Variants in SLC44A5 observed in about 807,000 individuals in gnomAD.
SLC44A5 encodes the protein solute carrier family 44 member 5.
A neutral mutation model predicts 101.8 loss-of-function variants in SLC44A5; 57 were observed. The ratio of observed to expected loss-of-function variants is 0.56; its 90% CI spans 0.45 to 0.70. The LOEUF is 0.70. SLC44A5 is among the 30% of genes least tolerant of loss of function. The probability of loss-of-function intolerance (pLI) is 0.00; values close to 1 mark genes in which losing one functional copy is unlikely to be tolerated. For missense variants in SLC44A5, 737 were observed against 853.1 expected (o/e 0.86, Z 1.70); for synonymous variants, 281 against 290.9 (o/e 0.97, Z 0.35).
chr1:75,270,679 C>A (rs951858843), intron 6 of SLC44A5, among the ~76,000 whole-genome samples: 4 of 152,078 alleles, frequency 2.6e-5, no homozygotes. Flanking sequence ...AACATATATA[C>A]ATGATTTTCA....
intron 3 of SLC44A5, among the ~76,000 whole-genome samples, chr1:75,376,269 C>G (rs1179319595): frequency 6.6e-6 from 1 of 152,206 alleles, no homozygotes; most frequent in African/African-American, 2.4e-5. Context: ...GAGGGGCGCC[C>G]GCCATTGCCC....
intron 17 of SLC44A5, 93 bp from the exon 18 acceptor site, chr1:75,218,053 C>T: frequency 3.6e-6 from 3 of 825,542 alleles, no homozygotes; most frequent in East Asian, 2.6e-5. Context: ...AAGGTATCTG[C>T]AGAAGGATTA....
chr1:75,406,803 C>G (rs185953082), intron 2 of SLC44A5, among the ~76,000 whole-genome samples: 1 of 152,238 alleles, frequency 6.6e-6, no homozygotes. Context: ...CAGCACAAGA[C>G]AAGGATGCCC....
intron 2 of SLC44A5, among the ~76,000 whole-genome samples, chr1:75,540,099 C>A (rs550084602): frequency 6.6e-6 from 1 of 152,236 alleles, no homozygotes; most frequent in Admixed American, 6.5e-5. Context: ...CCTGGTAATT[C>A]TATATTAAAT....
At chr1:75,505,697 G>T (rs1485471665) in intron 2 of SLC44A5, among the ~76,000 whole-genome samples, 2 of 152,034 alleles carry the variant, frequency 1.3e-5, no homozygotes. Flanking sequence ...TTTTAATGGG[G>T]TTATCTGGGT....
At chr1:75,431,972 T>A (rs1664641488) in intron 2 of SLC44A5, among the ~76,000 whole-genome samples, 1 of 152,198 alleles carries the variant, frequency 6.6e-6, no homozygotes, top group Non-Finnish European at 1.5e-5. Flanking sequence ...CAGTTCATTT[T>A]ATTCTTGCCT....
chr1:75,488,802 T>C (rs1208001374), intron 2 of SLC44A5, among the ~76,000 whole-genome samples: 1 of 152,264 alleles, frequency 6.6e-6, no homozygotes, highest in Admixed American at 6.5e-5. Flanking sequence ...AATAACCTGA[T>C]GACATATATA....
At chr1:75,683,230 A>G in the SLC44A5 span, among the ~76,000 whole-genome samples, 1 of 151,866 alleles carries the variant, frequency 6.6e-6, no homozygotes, top group Non-Finnish European at 1.5e-5. Flanking sequence ...TAGAAATACC[A>G]TTTGACCCAG....
chr1:75,549,040 C>T lies in SLC44A5; in HGVS notation c.-69-7524G>A, dbSNP rs189911880. On this transcript the variant is annotated intron_variant, in intron 1 of 23. Coordinates refer to ENST00000370859, the MANE Select transcript of SLC44A5 (RefSeq NM_001130058.2). The stretch of plus-strand genomic sequence containing the variant: ...CAGCCAGGTTTCTGGAAACAATCCT[C>T]GTTGAAGACAGATGAGATTTAAGGA... Among the ~76,000 whole-genome samples, 18 of 152,220 alleles carry T rather than the reference C, an allele frequency of 1.2e-4. No individual in the cohort carries two copies. In the East Asian group the frequency reaches 2.5e-3, roughly 21 times the overall value.
At chr1:75,472,903 T>C (rs549403113) in intron 2 of SLC44A5, among the ~76,000 whole-genome samples, 1 of 152,308 alleles carries the variant, frequency 6.6e-6, no homozygotes, top group East Asian at 1.9e-4. Context: ...AAGCCTTCAC[T>C]CTTACACATA....
intron 2 of SLC44A5, among the ~76,000 whole-genome samples, chr1:75,438,962 A>G (rs1665039347): frequency 6.6e-6 from 1 of 152,120 alleles, no homozygotes; most frequent in Non-Finnish European, 1.5e-5. Context: ...AATACATGAA[A>G]GCACAAAATA....
intron 5 of SLC44A5, among the ~76,000 whole-genome samples, chr1:75,282,682 A>G (rs953977730): frequency 2.0e-4 from 31 of 152,282 alleles, no homozygotes; most frequent in African/African-American, 7.2e-4. Context: ...GATAGTGAAC[A>G]GCAAGTGAAC....
chr1:75,608,702 C>T (rs1457069714), intron 1 of SLC44A5, among the ~76,000 whole-genome samples: 4 of 151,814 alleles, frequency 2.6e-5, no homozygotes, highest in Admixed American at 2.6e-4. Flanking sequence ...GTCAAACATA[C>T]CAGGTATATT....
chr1:75,534,249 C>T (rs989782533), intron 2 of SLC44A5, among the ~76,000 whole-genome samples: 26 of 151,830 alleles, frequency 1.7e-4, no homozygotes, highest in Non-Finnish European at 3.7e-4. Context: ...TTAAAGTCGT[C>T]GGAATCAAAA....
intron 4 of SLC44A5, among the ~76,000 whole-genome samples, chr1:75,303,012 C>T (rs752122847): frequency 2.0e-5 from 3 of 152,040 alleles, no homozygotes; most frequent in East Asian, 1.9e-4. Flanking sequence ...CAGATGACCT[C>T]GGATAACTGA....
chr1:75,313,783 G>T (rs1482956860), intron 4 of SLC44A5, among the ~76,000 whole-genome samples: 1 of 152,152 alleles, frequency 6.6e-6, no homozygotes, highest in Non-Finnish European at 1.5e-5. Context: ...AAGCAGTAGG[G>T]CTCCTGATGA....
intron 2 of SLC44A5, among the ~76,000 whole-genome samples, chr1:75,441,326 C>T (rs1570285103): frequency 6.6e-6 from 1 of 152,074 alleles, no homozygotes; most frequent in East Asian, 1.9e-4. Context: ...GCAAGTAGCA[C>T]CCACTTCAGT....
At chr1:75,676,289 A>G in the SLC44A5 span, among the ~76,000 whole-genome samples, 1 of 152,234 alleles carries the variant, frequency 6.6e-6, no homozygotes, top group Non-Finnish European at 1.5e-5. Flanking sequence ...AAGACACAGA[A>G]TGAACCCAAA....
intron 2 of SLC44A5, among the ~76,000 whole-genome samples, chr1:75,397,705 A>T (rs918463767): frequency 6.6e-6 from 1 of 152,164 alleles, no homozygotes; most frequent in African/African-American, 2.4e-5. Flanking sequence ...GGCAACGTGA[A>T]CTTTTGGGTC....
Sources: allele counts gnomAD v4.1 joint callset (sites outside exome capture counted in the v4.1 genomes callset), GRCh38; gene constraint gnomAD v4.1.1; transcripts MANE v1.5; gene names NCBI Gene and HGNC (gene_info 2026-07-23, HGNC 2026-07-21).